The following ACACA variants were observed in gnomAD, a reference collection of about 807,000 sequenced individuals.
The protein encoded by ACACA is acetyl-CoA carboxylase alpha, also known as acetyl-CoA carboxylase 1.
Under a neutral mutation model 296.1 loss-of-function variants are expected in ACACA, and 103 were observed. The ratio of observed to expected loss-of-function variants is 0.35; its 90% CI spans 0.30 to 0.41. The LOEUF is 0.41. ACACA is among the 10% of genes least tolerant of loss of function. The pLI is 1.00. For synonymous variants in ACACA, 953 were observed against 1,038.6 expected, an observed-to-expected ratio of 0.92 and a Z score of 1.58; for missense variants, 1,554 against 2,989.7, an observed-to-expected ratio of 0.52 and a Z score of 11.20.
chr17:37,159,735 T>C (rs1473469245), intron 42 of ACACA, among the ~76,000 whole-genome samples: 1 of 152,182 alleles, frequency 6.6e-6, no homozygotes, highest in East Asian at 1.9e-4. Flanking sequence ...TTATGACAAA[T>C]GTATGTACTT....
chr17:37,204,920 G>A (rs1444027793), intron 33 of ACACA, among the ~76,000 whole-genome samples: 1 of 152,202 alleles, frequency 6.6e-6, no homozygotes, highest in Non-Finnish European at 1.5e-5. Flanking sequence ...TAATTTTGTG[G>A]TGATGAGCAG....
chr17:37,120,393 G>A (rs902510949), intron 50 of ACACA, among the ~76,000 whole-genome samples: 3 of 151,900 alleles, frequency 2.0e-5, no homozygotes, highest in Non-Finnish European at 4.4e-5. Context: ...AGCCTCCCGG[G>A]TAGCTGGGAC....
chr17:37,306,129 CA>C (rs771264590), intron 3 of ACACA, among the ~76,000 whole-genome samples: 103 of 152,082 alleles, frequency 6.8e-4, no homozygotes, highest in African/African-American at 2.1e-3. Flanking sequence ...AGGATGGTCT[CA>C]ATCTCCTGAC....
intron 5 of ACACA, among the ~76,000 whole-genome samples, chr17:37,278,966 C>G (rs1303667342): frequency 6.6e-6 from 1 of 152,100 alleles, no homozygotes; most frequent in Non-Finnish European, 1.5e-5. Context: ...CTGTACCTAT[C>G]AACCCATCAC....
At chr17:37,239,874 T>G (rs9909209) in intron 24 of ACACA, among the ~76,000 whole-genome samples, 1,658 of 152,306 alleles carry the variant, frequency 0.011, 29 homozygotes, top group African/African-American at 0.038. Context: ...TTTCAGATAA[T>G]GTTTCAAATT....
intron 1 of ACACA, chr17:37,392,713 T>C (rs1467869383): frequency 6.6e-6 from 1 of 151,976 alleles, no homozygotes; most frequent in Non-Finnish European, 1.5e-5. Context: ...CTTCAAGTGC[T>C]GTCCAAAAAG....
At chr17:37,359,213 T>C (rs2049294521) in intron 1 of ACACA, 4 of 876,122 alleles carry the variant, frequency 4.6e-6, no homozygotes, top group South Asian at 1.0e-4. Context: ...ATGAGGTGAC[T>C]ACGTCCGGGG....
At chr17:37,110,255 C>T (rs2073909075) in intron 52 of ACACA, among the ~76,000 whole-genome samples, 1 of 152,230 alleles carries the variant, frequency 6.6e-6, no homozygotes, top group Admixed American at 6.5e-5. Flanking sequence ...TTATCAGTGG[C>T]TGAAGCTTTT....
Position 37,241,942 on chromosome 17 carries a change from C to T in ACACA, c.3032+11G>A. On this transcript the variant is annotated intron_variant, in intron 23 of 55. Coordinates refer to ENST00000616317, the MANE Select transcript of ACACA (RefSeq NM_198834.3). ...GGACAGGTCTGGGAATCTGGAGTTA[C>T]AAGTTACTACCTCTGTACCAGCTGA... 6.2e-7 allele frequency: 1 copy of T among 1,608,372 alleles called. No individual in the cohort carries two copies. The highest frequency in any genetic ancestry group is 8.5e-7 in the Non-Finnish European group (1 of 1,175,048).
At chr17:37,306,357 C>T (rs1299572879) in intron 3 of ACACA, among the ~76,000 whole-genome samples, 2 of 152,064 alleles carry the variant, frequency 1.3e-5, no homozygotes, top group South Asian at 2.1e-4. Flanking sequence ...TTCAGCTATA[C>T]CTGGAAGTCC....
intron 1 of ACACA, among the ~76,000 whole-genome samples, chr17:37,347,590 G>T (rs2048685835): frequency 6.6e-6 from 1 of 152,078 alleles, no homozygotes; most frequent in East Asian, 1.9e-4. Context: ...CACAACAGCT[G>T]GTCTGAAATA....
intron 23 of ACACA, among the ~76,000 whole-genome samples, chr17:37,240,930 C>T (rs2145927028): frequency 6.6e-6 from 1 of 152,298 alleles, no homozygotes. Flanking sequence ...CCTTAGCTCA[C>T]ATCTGCAATC....
At chr17:37,128,023 TCAAAAAAAAAAAAAAA>T (rs2074893179) in intron 47 of ACACA, among the ~76,000 whole-genome samples, 1 of 22,532 alleles carries the variant, frequency 4.4e-5, no homozygotes, top group South Asian at 1.4e-3. Context: ...AAACTCCATC[TCAAAAAAAAAAAAAAA>T]AAAAAAAAAA....
chr17:37,393,921 C>T (rs1054281844), intron 1 of ACACA, among the ~76,000 whole-genome samples: 2 of 152,086 alleles, frequency 1.3e-5, no homozygotes, highest in African/African-American at 4.8e-5. Context: ...ATTTGTTTCC[C>T]CTGACAAAGC....
In ACACA at chr17:37,188,449, C is replaced by G; in HGVS notation, c.4604G>C (p.Arg1535Pro). Residue 1535 changes from arginine to proline, a missense_variant, in exon 39 of 56, where the codon CGG becomes CCG. Physicochemically the swap from Arg to Pro is moderately radical, Grantham distance 103. Coordinates refer to ENST00000616317, the MANE Select transcript of ACACA (RefSeq NM_198834.3). ...CAATTTCCACAGGCGACTTCCATAC[C>G]GCATTACCATGCTCCGCACGGATTC... is the stretch of plus-strand genomic sequence containing the variant. The part of the protein sequence containing the change: ...IEESVRSMVM[R>P]YGSRLWKLRV... 6.2e-7 allele frequency: 1 copy of G among 1,613,326 alleles called. No individual in the cohort carries two copies. The highest frequency in any genetic ancestry group is 8.5e-7 in the Non-Finnish European group (1 of 1,180,006).
rs1399249906 is a variant in ACACA, at chr17:37,113,081, A to C, written c.6452+7T>G. 1 of 1,613,970 alleles carries C rather than the reference A, an allele frequency of 6.2e-7. No homozygotes were observed. Among genetic ancestry groups the C allele is most frequent in the East Asian group, 2.2e-5 (1 of 44,892 alleles). On this transcript the variant is annotated splice_region_variant and intron_variant, in intron 51 of 55. Transcript: ENST00000616317. This position sits in a 1 kb window ranked among gnomAD's most constrained non-coding sequence, Gnocchi z 4.0. ...GGCAGTGAATGGAAATGTGGAAGGCACGCTACCTGCTTTCTCGGTCAGCAT... is the reference window on the plus strand; with the variant it reads ...GGCAGTGAATGGAAATGTGGAAGGCCCGCTACCTGCTTTCTCGGTCAGCAT...
intron 52 of ACACA, among the ~76,000 whole-genome samples, chr17:37,109,857 G>A (rs917448222): frequency 1.2e-4 from 19 of 152,310 alleles, no homozygotes; most frequent in African/African-American, 4.6e-4. Context: ...GCCATTGGGG[G>A]GTTAAAAAGA....
At chr17:37,092,273 C>CAAA (rs34799022) in intron 54 of ACACA, among the ~76,000 whole-genome samples, 14 of 104,802 alleles carry the variant, frequency 1.3e-4, no homozygotes, top group African/African-American at 1.5e-4. Context: ...TAGAGTGAGA[C>CAAA]AAAAAAAAAA....
At chr17:37,112,782 AAAG>A (rs1178004090) in intron 51 of ACACA, among the ~76,000 whole-genome samples, 1 of 152,198 alleles carries the variant, frequency 6.6e-6, no homozygotes, top group Non-Finnish European at 1.5e-5. Flanking sequence ...TTTACTTAGG[AAAG>A]AGGTGAGAAC....
Sources: allele counts gnomAD v4.1 joint callset (sites outside exome capture counted in the v4.1 genomes callset), GRCh38; gene constraint gnomAD v4.1.1; non-coding constraint Gnocchi (gnomAD v3.1); transcripts MANE v1.5; gene names NCBI Gene and HGNC (gene_info 2026-07-23, HGNC 2026-07-21).